The following KLHL29 variants were observed in gnomAD, a reference collection of about 807,000 sequenced individuals.
KLHL29 encodes kelch-like protein 29.
A neutral mutation model predicts 80.4 loss-of-function variants in KLHL29; 21 were observed. That is an observed-to-expected ratio of 0.26 (90% confidence interval 0.19 to 0.38). The LOEUF is 0.38. KLHL29 is among the 10% of genes least tolerant of loss of function. KLHL29 has a pLI of 1.00. For synonymous variants in KLHL29, 511 were observed against 526.8 expected (o/e 0.97, Z 0.41); for missense variants, 867 against 1,223.9 (o/e 0.71, Z 4.35).
intron 3 of KLHL29, among the ~76,000 whole-genome samples, chr2:23,613,224 T>C (rs1044567085): frequency 6.6e-6 from 1 of 152,112 alleles, no homozygotes; most frequent in Non-Finnish European, 1.5e-5. Context: ...CCTGAATACA[T>C]CAGTAATTAC....
intron 5 of KLHL29, among the ~76,000 whole-genome samples, chr2:23,670,556 T>C (rs1479436380): frequency 1.3e-5 from 2 of 152,094 alleles, no homozygotes; most frequent in African/African-American, 4.8e-5. Flanking sequence ...CAGACCTGAC[T>C]CCCTGACTCT....
intron 3 of KLHL29, among the ~76,000 whole-genome samples, chr2:23,605,514 G>A (rs550285980): frequency 2.6e-5 from 4 of 152,272 alleles, no homozygotes; most frequent in Admixed American, 1.3e-4. Context: ...CAGGAACTGC[G>A]CATGGTGAGG....
intron 2 of KLHL29, among the ~76,000 whole-genome samples, chr2:23,495,830 A>G (rs1665246756): frequency 6.6e-6 from 1 of 152,024 alleles, no homozygotes; most frequent in African/African-American, 2.4e-5. Context: ...TGTGTTTGAA[A>G]ACCTCCTTGG....
chr2:23,448,661 A>G (rs1046596473), intron 1 of KLHL29, among the ~76,000 whole-genome samples: 6 of 152,144 alleles, frequency 3.9e-5, no homozygotes, highest in Admixed American at 6.5e-5. Flanking sequence ...AACCCCAGGA[A>G]CACCCACTCA....
intron 3 of KLHL29, among the ~76,000 whole-genome samples, chr2:23,629,133 G>A (rs561295919): frequency 2.2e-4 from 34 of 152,330 alleles, no homozygotes; most frequent in African/African-American, 6.5e-4. Context: ...TTGGGGGAGC[G>A]GTGCGGACTG....
intron 2 of KLHL29, among the ~76,000 whole-genome samples, chr2:23,527,910 C>T (rs768746514): frequency 2.6e-4 from 39 of 152,298 alleles, no homozygotes; most frequent in Non-Finnish European, 4.6e-4. Context: ...CCAGGCTCTG[C>T]CAGGAGATCA....
chr2:23,591,963 C>T (rs189883419), intron 3 of KLHL29, among the ~76,000 whole-genome samples: 3 of 152,360 alleles, frequency 2.0e-5, no homozygotes, highest in Admixed American at 1.3e-4. Flanking sequence ...TTGCCAAGCC[C>T]GTTTAGCCTC....
At chr2:23,644,495 AAGGTAACT>A (rs1425929108) in intron 5 of KLHL29, among the ~76,000 whole-genome samples, 3 of 152,222 alleles carry the variant, frequency 2.0e-5, no homozygotes, top group Non-Finnish European at 4.4e-5. Flanking sequence ...TTTGTGCAAA[AAGGTAACT>A]AGCTGAGAAA....
intron 2 of KLHL29, 130 bp downstream of exon 2, chr2:23,475,797 A>T (rs983982455): frequency 6.4e-6 from 1 of 155,710 alleles, no homozygotes; most frequent in South Asian, 2.1e-4. Context: ...CCTCTTCCTC[A>T]GTGCGATTTT....
intron 1 of KLHL29, among the ~76,000 whole-genome samples, chr2:23,407,987 C>T (rs1666772634): frequency 6.6e-6 from 1 of 152,018 alleles, no homozygotes; most frequent in African/African-American, 2.4e-5. Context: ...TCTTGACTCA[C>T]TGCAACTCCA....
At chr2:23,539,385 A>AATAATCCT (rs1293435391) in intron 2 of KLHL29, among the ~76,000 whole-genome samples, 2 of 151,892 alleles carry the variant, frequency 1.3e-5, no homozygotes, top group African/African-American at 2.4e-5. Flanking sequence ...ATGAGACAAT[A>AATAATCCT]ATAATCCTAG....
At chr2:23,520,823 T>G (rs1289095978) in intron 2 of KLHL29, among the ~76,000 whole-genome samples, 2 of 152,202 alleles carry the variant, frequency 1.3e-5, no homozygotes, top group African/African-American at 2.4e-5. Context: ...GTCATCGTAA[T>G]GAGATCCCCG....
At chr2:23,582,343 T>C (rs1007069386) in intron 3 of KLHL29, among the ~76,000 whole-genome samples, 1 of 152,254 alleles carries the variant, frequency 6.6e-6, no homozygotes, top group African/African-American at 2.4e-5. Context: ...AATGACAGAT[T>C]GGCTATTAAA....
chr2:23,668,505 C>G (rs2007088), intron 5 of KLHL29: 109,123 of 152,228 alleles, frequency 0.72, 41,385 homozygotes, highest in East Asian at 0.99. Flanking sequence ...GCAGACCTTG[C>G]TAACGGGAGA....
At chr2:23,671,066 GGGAT>G in intron 5 of KLHL29, among the ~76,000 whole-genome samples, 1 of 13,324 alleles carries the variant, frequency 7.5e-5, no homozygotes, top group Non-Finnish European at 6.4e-4. Context: ...CTCCCTGGAT[GGGAT>G]TCGCAGTGTT....
At chr2:23,492,049 C>G (rs907009986) in intron 2 of KLHL29, among the ~76,000 whole-genome samples, 1 of 152,204 alleles carries the variant, frequency 6.6e-6, no homozygotes, top group African/African-American at 2.4e-5. Context: ...ACCTTTTTCC[C>G]TCCAGTTCCT....
intron 1 of KLHL29, among the ~76,000 whole-genome samples, chr2:23,421,887 C>T (rs1662821719): frequency 6.6e-6 from 1 of 151,240 alleles, no homozygotes; most frequent in Non-Finnish European, 1.5e-5. Flanking sequence ...ATGTGTGTAT[C>T]TGTGTGTCTG....
chr2:23,637,868 C>T (rs1011322826), intron 3 of KLHL29, among the ~76,000 whole-genome samples: 1 of 152,000 alleles, frequency 6.6e-6, no homozygotes, highest in Non-Finnish European at 1.5e-5. Context: ...GCCCCGGAGG[C>T]TCCTGTGTGC....
chr2:23,582,314 C>T (rs1048170892), intron 3 of KLHL29, among the ~76,000 whole-genome samples: 4 of 152,196 alleles, frequency 2.6e-5, no homozygotes, highest in Non-Finnish European at 4.4e-5. Context: ...TTCTTAAAAT[C>T]TCAGAAATAA....
Sources: allele counts gnomAD v4.1 joint callset (sites outside exome capture counted in the v4.1 genomes callset), GRCh38; gene constraint gnomAD v4.1.1; transcripts MANE v1.5; gene names NCBI Gene and HGNC (gene_info 2026-07-23, HGNC 2026-07-21).